The following ATXN10 variants were observed in gnomAD, a reference collection of about 807,000 sequenced individuals.
The protein encoded by ATXN10 is ataxin-10.
Under a neutral mutation model 52.9 loss-of-function variants are expected in ATXN10, and 28 were observed. The observed-to-expected ratio is 0.53, with a 90% CI of 0.39 to 0.73. The LOEUF (loss-of-function observed/expected upper bound fraction) is 0.73. Ranked by LOEUF, ATXN10 falls within the 30% of genes least tolerant of loss-of-function variation. ATXN10 has a pLI of 0.00. For synonymous variants in ATXN10, 226 were observed against 221.5 expected (o/e 1.02, Z -0.18); for missense variants, 565 against 577.0 (o/e 0.98, Z 0.21).
intron 10 of ATXN10, among the ~76,000 whole-genome samples, chr22:45,808,517 C>T (rs910757659): frequency 1.8e-4 from 27 of 152,210 alleles, no homozygotes; most frequent in Admixed American, 7.2e-4. Flanking sequence ...GATGGCCATC[C>T]GTTCATTCAG....
At position 45,818,262 on chromosome 22, in the gene ATXN10, C is replaced by A. The variant is rs577793849; in HGVS notation, c.1237+11240C>A. On this transcript the variant is annotated intron_variant, in intron 10 of 11. Transcript: ENST00000252934. This position sits in a 1 kb window ranked among gnomAD's most constrained non-coding sequence, Gnocchi z 4.6. Reference sequence around the variant, plus strand: ...TACGGATTGGCAGACAGCCTGGCTTCTTTCCAGGGCATTAACAGTTATGCA... The same window carrying A: ...TACGGATTGGCAGACAGCCTGGCTTATTTCCAGGGCATTAACAGTTATGCA... 2.8e-4 allele frequency among the ~76,000 whole-genome samples: 42 copies of A among 152,290 alleles called. No homozygotes were observed. In the East Asian group the frequency reaches 6.4e-3, roughly 23 times the overall value.
At chr22:45,838,355 G>A (rs1023693826) in intron 10 of ATXN10, among the ~76,000 whole-genome samples, 1 of 152,104 alleles carries the variant, frequency 6.6e-6, no homozygotes, top group African/African-American at 2.4e-5. Context: ...TGGTGGCCTG[G>A]GTCAAGACCC....
intron 9 of ATXN10, among the ~76,000 whole-genome samples, chr22:45,804,995 C>T (rs1928052465): frequency 6.6e-6 from 1 of 152,198 alleles, no homozygotes; most frequent in African/African-American, 2.4e-5. Flanking sequence ...AGTCCATCAG[C>T]AATCTTCTCC....
intron 9 of ATXN10, among the ~76,000 whole-genome samples, chr22:45,768,283 A>G (rs1240858517): frequency 6.6e-6 from 1 of 152,140 alleles, no homozygotes; most frequent in East Asian, 1.9e-4. Context: ...TCGGACATAT[A>G]GATGTACAAG....
At chr22:45,765,910 A>G (rs1834042008) in intron 9 of ATXN10, among the ~76,000 whole-genome samples, 1 of 152,214 alleles carries the variant, frequency 6.6e-6, no homozygotes, top group Non-Finnish European at 1.5e-5. Flanking sequence ...ATAAATGAGC[A>G]GTAATAGCCA....
At chr22:45,782,264 GT>G (rs1329799785) in intron 9 of ATXN10, among the ~76,000 whole-genome samples, 3 of 152,130 alleles carry the variant, frequency 2.0e-5, no homozygotes, top group Admixed American at 6.5e-5. Context: ...AAGTGATGGT[GT>G]TTTTGCTAAA....
At chr22:45,714,310 T>A (rs1485686712) in intron 5 of ATXN10, among the ~76,000 whole-genome samples, 1 of 152,208 alleles carries the variant, frequency 6.6e-6, no homozygotes, top group Non-Finnish European at 1.5e-5. Flanking sequence ...TTTTCTAGAT[T>A]AGGGATATCA....
At chr22:45,716,436 A>G (rs962414816) in intron 5 of ATXN10, among the ~76,000 whole-genome samples, 1 of 151,596 alleles carries the variant, frequency 6.6e-6, no homozygotes, top group Non-Finnish European at 1.5e-5. Context: ...CCTGTGTTCA[A>G]GTGATTCTCA....
Position 45,705,727 on chromosome 22 carries a change from C to T in ATXN10, c.647+2880C>T, listed in dbSNP as rs1924014159. ...GGGATTACAGGCGTGAGCCACCGCGCCCGGCCTCCACTTGTTACGGGTCTA... is the reference window on the plus strand; with the variant it reads ...GGGATTACAGGCGTGAGCCACCGCGTCCGGCCTCCACTTGTTACGGGTCTA... On this transcript the variant is annotated intron_variant, in intron 5 of 11. Coordinates refer to ENST00000252934, the MANE Select transcript of ATXN10 (RefSeq NM_013236.4). The surrounding 1 kb of genome is among the most constrained non-coding windows in gnomAD (Gnocchi z 5.2). 6.6e-6 allele frequency among the ~76,000 whole-genome samples: 1 copy of T among 152,164 alleles called. No homozygotes were observed. The highest frequency in any genetic ancestry group is 2.4e-5 in the African/African-American group (1 of 41,446).
rs900081798 is a variant in ATXN10, at chr22:45,678,219, G to A, written c.116+6040G>A. 1 of 152,018 alleles carries A rather than the reference G, an allele frequency of 6.6e-6. No homozygotes were observed. Among genetic ancestry groups the A allele is most frequent in the African/African-American group, 2.4e-5 (1 of 41,372 alleles). 9.4% of individuals were successfully genotyped at this position (152,018 alleles called of 1,614,324 possible). ...CTGTAGACTTAAAATGAACAACATG[G>A]CAAATTTTATGTTATATATATGTAT... On this transcript the variant is annotated intron_variant, in intron 1 of 11. Coordinates refer to ENST00000252934, the MANE Select transcript of ATXN10 (RefSeq NM_013236.4). This position sits in a 1 kb window ranked among gnomAD's most constrained non-coding sequence, Gnocchi z 4.1.
Position 45,844,173 on chromosome 22 carries a change from C to T in ATXN10, c.*502C>T, listed in dbSNP as rs73889638. 2,429 of 165,946 alleles carry T rather than the reference C, an allele frequency of 0.015. 72 individuals carry two copies. The highest frequency in any genetic ancestry group is 0.056 in the African/African-American group (2,314 of 41,588). The allele number at this position is 165,946 out of a possible 1,614,324, so 10.3% of individuals were successfully genotyped here. ...TCCAAAACATTGACAAGACTCATTTCCAGTTAATTAATTCGAGAACCCTCC... is the reference window on the plus strand; with the variant it reads ...TCCAAAACATTGACAAGACTCATTTTCAGTTAATTAATTCGAGAACCCTCC... On this transcript the variant is annotated 3_prime_UTR_variant, in exon 12 of 12. Coordinates refer to ENST00000252934, the MANE Select transcript of ATXN10 (RefSeq NM_013236.4).
intron 6 of ATXN10, among the ~76,000 whole-genome samples, chr22:45,721,274 C>T (rs998757446): frequency 1.3e-5 from 2 of 152,076 alleles, no homozygotes; most frequent in African/African-American, 4.8e-5. Context: ...ACTAGCTGCT[C>T]GTGGTAAACA....
At chr22:45,773,718 A>G (rs1926854931) in intron 9 of ATXN10, among the ~76,000 whole-genome samples, 1 of 152,188 alleles carries the variant, frequency 6.6e-6, no homozygotes, top group South Asian at 2.1e-4. Flanking sequence ...TCGGCCTCCC[A>G]AAATGCTGGG....
chr22:45,794,748 CA>C (rs200784666), intron 9 of ATXN10, among the ~76,000 whole-genome samples: 10 of 150,976 alleles, frequency 6.6e-5, no homozygotes, highest in African/African-American at 2.2e-4. Context: ...AAATGAAGGT[CA>C]AAAAAAAGAA....
chr22:45,725,013 T>C (rs979571701), intron 6 of ATXN10, among the ~76,000 whole-genome samples: 10 of 152,206 alleles, frequency 6.6e-5, no homozygotes, highest in Admixed American at 6.5e-4. Flanking sequence ...TATTGGTCTG[T>C]ATATCTAGCT....
intron 5 of ATXN10, among the ~76,000 whole-genome samples, chr22:45,714,829 G>T (rs1452821890): frequency 2.6e-5 from 4 of 152,120 alleles, no homozygotes; most frequent in Non-Finnish European, 5.9e-5. Context: ...TTTCAATTTT[G>T]TTGTTTAAGT....
chr22:45,788,948 C>T lies in ATXN10; in HGVS notation c.1174-18011C>T, dbSNP rs1236488865. Among the ~76,000 whole-genome samples the T allele has an allele frequency of 2.6e-5, 4 of 152,160 alleles. No individual in the cohort carries two copies. In the East Asian group the frequency reaches 7.7e-4, roughly 29 times the overall value. ...ACAGGCATGAGCCACCATGCCCAGC[C>T]AGGAGCTTTTAAACTATGTATCTGT... On this transcript the variant is annotated intron_variant, in intron 9 of 11. Coordinates refer to ENST00000252934, the MANE Select transcript of ATXN10 (RefSeq NM_013236.4).
chr22:45,698,540 A>G (rs1050229638), intron 3 of ATXN10, among the ~76,000 whole-genome samples: 9 of 152,244 alleles, frequency 5.9e-5, no homozygotes, highest in East Asian at 1.9e-4. Flanking sequence ...CTATAGATCA[A>G]TTGGGGAAGA....
chr22:45,810,462 A>C (rs1928244180), intron 10 of ATXN10, among the ~76,000 whole-genome samples: 1 of 152,250 alleles, frequency 6.6e-6, no homozygotes, highest in Non-Finnish European at 1.5e-5. Context: ...GTGCACATGC[A>C]CATACATGTA....
Sources: gnomAD v4.1 joint callset for allele counts (sites outside exome capture counted in the v4.1 genomes callset) on GRCh38, gnomAD v4.1.1 for gene constraint, Gnocchi (gnomAD v3.1) non-coding constraint, MANE v1.5 for transcripts, NCBI Gene and HGNC (gene_info 2026-07-23, HGNC 2026-07-21) for gene names.